KIF5C: variants seen among roughly 807,000 people sequenced by gnomAD.
The protein encoded by KIF5C is kinesin heavy chain isoform 5C.
KIF5C carries 18 observed loss-of-function variants against 125.2 expected under a neutral mutation model. The ratio of observed to expected loss-of-function variants is 0.14; its 90% CI spans 0.10 to 0.21. KIF5C has a LOEUF of 0.21. KIF5C is among the 10% of genes least tolerant of loss of function. The pLI is 1.00. For synonymous variants in KIF5C, 405 were observed against 434.0 expected, an observed-to-expected ratio of 0.93 and a Z score of 0.83; for missense variants, 780 against 1,183.8, an observed-to-expected ratio of 0.66 and a Z score of 5.01.
At chr2:148,909,269 G>C (rs1003650731) in intron 1 of KIF5C, among the ~76,000 whole-genome samples, 3 of 152,176 alleles carry the variant, frequency 2.0e-5, no homozygotes, top group Admixed American at 1.3e-4. Flanking sequence ...AAGGTTTCAC[G>C]CTTTTGGTCA....
At chr2:149,011,063 A>G (rs1016463828) in intron 24 of KIF5C, among the ~76,000 whole-genome samples, 1 of 151,174 alleles carries the variant, frequency 6.6e-6, no homozygotes, top group Non-Finnish European at 1.5e-5. Flanking sequence ...CCCATCAGAT[A>G]TTGCTGTGTA....
chr2:148,948,561 TGTCCTTCAC>T (rs1373511682), intron 8 of KIF5C, among the ~76,000 whole-genome samples: 1 of 152,210 alleles, frequency 6.6e-6, no homozygotes, highest in African/African-American at 2.4e-5. Context: ...TTTGAAATCA[TGTCCTTCAC>T]GTAGTTTCTT....
chr2:148,951,484 A>G (rs566338237), intron 10 of KIF5C, among the ~76,000 whole-genome samples: 1 of 151,856 alleles, frequency 6.6e-6, no homozygotes, highest in African/African-American at 2.4e-5. Context: ...CCAAGGCCTG[A>G]CCTCCTTCAG....
chr2:148,929,632 T>C (rs1015343919), intron 3 of KIF5C, among the ~76,000 whole-genome samples: 1 of 152,228 alleles, frequency 6.6e-6, no homozygotes, highest in Non-Finnish European at 1.5e-5. Context: ...AGTGTGAACA[T>C]CATTCTGGAC....
chr2:148,998,501 G>C lies in KIF5C; in HGVS notation c.2202G>C (p.Glu734Asp), dbSNP rs1016290527. Residue 734 changes from glutamate (E) to aspartate (D), a missense_variant, in exon 19 of 26, where the codon GAG becomes GAC. Glu to Asp is a conservative substitution (Grantham distance 45, BLOSUM62 2). Around this residue, in one of 2 missense-constraint regions of KIF5C, gnomAD observed 573 missense variants for 742.6 expected, o/e 0.77. Coordinates refer to ENST00000435030, the MANE Select transcript of KIF5C (RefSeq NM_004522.3). ...EIEEKQKIID[E>D]IRDLNQKLQL... ...AGGAGAAGCAGAAAATCATTGATGA[G>C]ATTCGGGAGTGAGTCGGCCCAGGGC... The C allele has an allele frequency of 6.4e-7, 1 of 1,556,164 alleles. No homozygotes were observed. The highest frequency in any genetic ancestry group is 8.7e-7 in the Non-Finnish European group (1 of 1,149,602).
chr2:148,915,214 C>T lies in KIF5C; in HGVS notation c.127-6923C>T, dbSNP rs369151049. Among the ~76,000 whole-genome samples the T allele has an allele frequency of 1.1e-4, 17 of 152,086 alleles. No individual in the cohort carries two copies. In the East Asian group the frequency reaches 1.5e-3, roughly 14 times the overall value. On this transcript the variant is annotated intron_variant, in intron 1 of 25. Coordinates refer to ENST00000435030, the MANE Select transcript of KIF5C (RefSeq NM_004522.3). ...TGACACACTGGAGAAATACAGTGTG[C>T]GTCTCCTGTATCGTACACCATTTGA... is the stretch of plus-strand genomic sequence containing the variant.
intron 11 of KIF5C, among the ~76,000 whole-genome samples, chr2:148,968,959 C>T (rs1427404964): frequency 1.3e-5 from 2 of 152,062 alleles, no homozygotes; most frequent in African/African-American, 2.4e-5. Flanking sequence ...TGGTTCCTGG[C>T]GGAAGCTGTG....
chr2:148,978,334 G>GTTTTTTTTTTTTT (rs71406035), intron 12 of KIF5C, among the ~76,000 whole-genome samples: 1 of 78,636 alleles, frequency 1.3e-5, no homozygotes, highest in Admixed American at 2.0e-4. Flanking sequence ...CTGCCCTGAG[G>GTTTTTTTTTTTTT]TTTTTTTTTT....
chr2:148,947,292 G>C (rs888127902), intron 8 of KIF5C: 3 of 399,364 alleles, frequency 7.5e-6, no homozygotes, highest in Admixed American at 8.6e-5. Context: ...GGCAACAGTT[G>C]GTTTGACTTA....
In KIF5C at chr2:148,875,590, CCG is replaced by C. The variant is rs1463834338; in HGVS notation, c.-27_-26del. On this transcript the variant is annotated 5_prime_UTR_variant, in exon 1 of 26. Coordinates refer to ENST00000435030, the MANE Select transcript of KIF5C (RefSeq NM_004522.3). ...CCCGGCCCCGGCCCCCCACCCATCC[CCG>C]TGCCCCCTCCCTACCGCCGGCCGAG... 7.3e-7 allele frequency: 1 copy of C among 1,364,004 alleles called. No homozygotes were observed. Among genetic ancestry groups the C allele is most frequent in the Admixed American group, 2.0e-5 (1 of 49,406 alleles). 84.5% of individuals were successfully genotyped at this position (1,364,004 alleles called of 1,614,324 possible). A position where few individuals can be genotyped will look rare whatever the true frequency, so the allele number is the denominator to read the frequency against.
At position 148,985,138 on chromosome 2, in the gene KIF5C, G is replaced by A. The variant is rs76514338; in HGVS notation, c.1716+1372G>A. Among the ~76,000 whole-genome samples the A allele has an allele frequency of 9.5e-3, 1,443 of 152,168 alleles. 22 individuals carry two copies. The highest frequency in any genetic ancestry group is 0.031 in the African/African-American group (1,283 of 41,500). On this transcript the variant is annotated intron_variant, in intron 15 of 25. Coordinates refer to ENST00000435030, the MANE Select transcript of KIF5C (RefSeq NM_004522.3). ...TTGACAGCGAGAAAGTAAGAGATGT[G>A]GGGATAATAGGGGTGGTATAAAGTT...
At position 148,875,534 on chromosome 2, in the gene KIF5C, G is replaced by T; in HGVS notation, c.-84G>T. The T allele has an allele frequency of 5.2e-6, 6 of 1,162,618 alleles. No individual in the cohort carries two copies. The highest frequency in any genetic ancestry group is 7.5e-6 in the Non-Finnish European group (6 of 802,234). The allele number at this position is 1,162,618 out of a possible 1,614,324, so 72.0% of individuals were successfully genotyped here. A position where few individuals can be genotyped will look rare whatever the true frequency, so the allele number is the denominator to read the frequency against. On this transcript the variant is annotated 5_prime_UTR_variant, in exon 1 of 26. Transcript: ENST00000435030. ...TGCAGGAGGCGGCCTAGCTGTGGGC[G>T]GTGCAGCTCGCGGCCTCCTCCCTCG...
At chr2:148,885,953 A>T (rs1681509885) in intron 1 of KIF5C, 1 of 152,186 alleles carries the variant, frequency 6.6e-6, no homozygotes, top group African/African-American at 2.4e-5. Context: ...TTATTTTGCC[A>T]AGCAGTCGGC....
chr2:148,941,820 A>G, intron 5 of KIF5C, 115 bp from the exon 6 acceptor site: 2 of 1,468,452 alleles, frequency 1.4e-6, no homozygotes, highest in Non-Finnish European at 1.8e-6. Context: ...TTAAACTTGC[A>G]TATTGCAAAG....
At position 148,923,613 on chromosome 2, in the gene KIF5C, A is replaced by T. The variant is rs547970075; in HGVS notation, c.217+1386A>T. The stretch of plus-strand genomic sequence containing the variant: ...GCTCCCTATTATTCGACTCATTCAT[A>T]TATTTTTTATTAAAGTAAGATTAAT... On this transcript the variant is annotated intron_variant, in intron 2 of 25. Transcript: ENST00000435030. Among the ~76,000 whole-genome samples the T allele has an allele frequency of 6.6e-4, 101 of 152,106 alleles. 1 individual carries two copies. The highest frequency in any genetic ancestry group is 1.2e-3 in the Non-Finnish European group (82 of 68,022).
intron 2 of KIF5C, among the ~76,000 whole-genome samples, chr2:148,927,353 G>A (rs1354691995): frequency 3.3e-5 from 5 of 152,198 alleles, no homozygotes; most frequent in Non-Finnish European, 7.4e-5. Flanking sequence ...ATCGGCCCTT[G>A]CAGGGTGGCT....
chr2:148,932,070 G>A (rs148268137), intron 3 of KIF5C, among the ~76,000 whole-genome samples: 23 of 152,288 alleles, frequency 1.5e-4, no homozygotes, highest in African/African-American at 5.5e-4. Context: ...GAGGAAGACA[G>A]AGGGAAGGAG....
At chr2:148,881,016 G>A (rs73007567) in intron 1 of KIF5C, among the ~76,000 whole-genome samples, 1 of 148,516 alleles carries the variant, frequency 6.7e-6, no homozygotes, top group East Asian at 2.0e-4. Context: ...TGTATTGAAA[G>A]TGCAGATAAT....
intron 21 of KIF5C, among the ~76,000 whole-genome samples, chr2:149,002,190 C>G (rs183646964): frequency 2.6e-5 from 4 of 152,328 alleles, no homozygotes; most frequent in Admixed American, 2.6e-4. Context: ...ATTAAAATTT[C>G]ACTATATTTC....
Sources: gnomAD v4.1 joint callset for allele counts (sites outside exome capture counted in the v4.1 genomes callset) on GRCh38, gnomAD v4.1.1 for gene constraint, gnomAD v4.1.1 regional missense constraint, MANE v1.5 for transcripts, NCBI Gene and HGNC (gene_info 2026-07-23, HGNC 2026-07-21) for gene names.